The following NTRK2 variants were observed in gnomAD, a reference collection of about 807,000 sequenced individuals.
NTRK2 encodes neurotrophic receptor tyrosine kinase 2, also known as BDNF/NT-3 growth factors receptor.
Under a neutral mutation model 94.5 loss-of-function variants are expected in NTRK2, and 13 were observed. The observed-to-expected ratio is 0.14, with a 90% CI of 0.09 to 0.22. NTRK2 has a LOEUF of 0.22. NTRK2 is among the 10% of genes least tolerant of loss of function. The pLI, the probability that NTRK2 is intolerant of heterozygous loss-of-function variation, is 1.00. For synonymous variants in NTRK2, 372 were observed against 407.4 expected, an observed-to-expected ratio of 0.91 and a Z score of 1.05; for missense variants, 639 against 1,071.2, an observed-to-expected ratio of 0.60 and a Z score of 5.63.
intron 17 of NTRK2, among the ~76,000 whole-genome samples, chr9:85,014,394 A>G (rs1193522779): frequency 6.6e-6 from 1 of 152,228 alleles, no homozygotes; most frequent in African/African-American, 2.4e-5. Context: ...AAGGATAGCA[A>G]ACAACAACAA....
In NTRK2 at chr9:84,800,164, C is replaced by G. The variant is rs983326597; in HGVS notation, c.1396+48079C>G. 4.6e-5 allele frequency among the ~76,000 whole-genome samples: 7 copies of G among 152,056 alleles called. No individual in the cohort carries two copies. The South Asian group carries it at 8.3e-4, about 18-fold the overall frequency. On this transcript the variant is annotated intron_variant, in intron 12 of 18. Coordinates refer to ENST00000277120, the MANE Select transcript of NTRK2 (RefSeq NM_006180.6). ...GCCTTTGGACAGCTAGTTCTGTTGTCTAGAACAACTGGAAGCCGAAGCTCT... is the reference window on the plus strand; with the variant it reads ...GCCTTTGGACAGCTAGTTCTGTTGTGTAGAACAACTGGAAGCCGAAGCTCT...
chr9:84,901,094 T>C (rs2076912909), intron 14 of NTRK2, among the ~76,000 whole-genome samples: 1 of 152,178 alleles, frequency 6.6e-6, no homozygotes, highest in African/African-American at 2.4e-5. Context: ...TAATGTTTTT[T>C]CCCCAGCAGA....
At chr9:84,929,577 A>ATTC (rs2077950371) in intron 14 of NTRK2, among the ~76,000 whole-genome samples, 2 of 144,750 alleles carry the variant, frequency 1.4e-5, no homozygotes, top group South Asian at 4.3e-4. Flanking sequence ...TTTTTTTTTA[A>ATTC]ATTTGAGAGA....
chr9:84,841,543 C>T (rs2074184076), intron 12 of NTRK2, among the ~76,000 whole-genome samples: 1 of 152,216 alleles, frequency 6.6e-6, no homozygotes, highest in African/African-American at 2.4e-5. Flanking sequence ...TACTCTCTCC[C>T]TACAGCATTT....
At chr9:84,685,688 T>A (rs1009950994) in intron 2 of NTRK2, among the ~76,000 whole-genome samples, 6 of 152,184 alleles carry the variant, frequency 3.9e-5, no homozygotes, top group African/African-American at 1.4e-4. Flanking sequence ...ATATTCTCAC[T>A]TATCTTCCAG....
intron 9 of NTRK2, among the ~76,000 whole-genome samples, chr9:84,732,962 C>T (rs2132165001): frequency 1.3e-5 from 2 of 152,282 alleles, no homozygotes; most frequent in South Asian, 4.2e-4. Context: ...TCAGCAGGAC[C>T]TGACTCCCCA....
At chr9:84,788,528 GC>G (rs1331337889) in intron 12 of NTRK2, among the ~76,000 whole-genome samples, 34 of 152,078 alleles carry the variant, frequency 2.2e-4, no homozygotes, top group African/African-American at 8.2e-4. Flanking sequence ...ACCAGAGCTT[GC>G]TTTATGTAGA....
intron 14 of NTRK2, among the ~76,000 whole-genome samples, chr9:84,906,559 T>C (rs908865365): frequency 3.9e-5 from 6 of 152,192 alleles, no homozygotes; most frequent in Admixed American, 3.9e-4. Flanking sequence ...ACACTTGATT[T>C]GGTTCTTCCA....
intron 6 of NTRK2, among the ~76,000 whole-genome samples, chr9:84,718,533 T>G (rs1263757319): frequency 6.6e-6 from 1 of 152,176 alleles, no homozygotes; most frequent in Non-Finnish European, 1.5e-5. Context: ...ACATCCTTCC[T>G]GAAGGAATCC....
chr9:84,920,791 C>T (rs1216751777), intron 14 of NTRK2, among the ~76,000 whole-genome samples: 1 of 152,144 alleles, frequency 6.6e-6, no homozygotes, highest in African/African-American at 2.4e-5. Flanking sequence ...TCTTCAATAC[C>T]TTTCTAAGGA....
Position 84,950,596 on chromosome 9 carries a change from T to A in NTRK2, c.1937+1962T>A, listed in dbSNP as rs919494936. Among the ~76,000 whole-genome samples the A allele has an allele frequency of 6.6e-5, 10 of 151,614 alleles. No homozygotes were observed. The East Asian group carries it at 7.7e-4, about 12-fold the overall frequency. ...GTTTTATCTGGGTCTAATATGTTTTTTTTTTTTTTAATTTAGCTAGTCCTC... is the reference window on the plus strand; with the variant it reads ...GTTTTATCTGGGTCTAATATGTTTTATTTTTTTTTAATTTAGCTAGTCCTC... On this transcript the variant is annotated intron_variant, in intron 16 of 18. Transcript: ENST00000277120.
intron 15 of NTRK2, among the ~76,000 whole-genome samples, chr9:84,946,234 G>A (rs186299588): frequency 2.0e-5 from 3 of 152,298 alleles, no homozygotes; most frequent in Admixed American, 6.5e-5. Flanking sequence ...CTGGAGATGG[G>A]ATTCACAACT....
At chr9:84,960,629 A>G (rs1167450933) in intron 17 of NTRK2, among the ~76,000 whole-genome samples, 1 of 152,222 alleles carries the variant, frequency 6.6e-6, no homozygotes, top group Non-Finnish European at 1.5e-5. Flanking sequence ...TACTAACACC[A>G]TTCCCTCTAT....
intron 12 of NTRK2, among the ~76,000 whole-genome samples, chr9:84,856,242 C>T (rs1241342934): frequency 1.3e-5 from 2 of 152,120 alleles, no homozygotes. Context: ...TCATGATTTC[C>T]AGAACCAGTT....
chr9:84,688,778 A>G (rs1039304669), intron 2 of NTRK2, among the ~76,000 whole-genome samples: 6 of 152,206 alleles, frequency 3.9e-5, no homozygotes, highest in African/African-American at 7.2e-5. Context: ...TCCTTTCCTC[A>G]CGATGTCTTT....
Position 84,856,063 on chromosome 9 carries a change from G to A in NTRK2, c.1397-4977G>A, listed in dbSNP as rs76967243. On this transcript the variant is annotated intron_variant, in intron 12 of 18. Coordinates refer to ENST00000277120, the MANE Select transcript of NTRK2 (RefSeq NM_006180.6). ...AGGGAAATACGAATTTCAGAGAACA[G>A]TTAGGAGGTTCAGCCAAATACACAC... Among the ~76,000 whole-genome samples, 711 of 152,302 alleles carry A rather than the reference G, an allele frequency of 4.7e-3. 13 individuals are homozygous for A. The highest frequency in any genetic ancestry group is 0.038 in the Admixed American group (577 of 15,302).
chr9:84,681,372 A>G (rs1308980102), intron 2 of NTRK2, among the ~76,000 whole-genome samples: 1 of 152,172 alleles, frequency 6.6e-6, no homozygotes, highest in Non-Finnish European at 1.5e-5. Context: ...TCATTCACAT[A>G]TTACGTCTTG....
chr9:84,957,111 G>C (rs1824234689), intron 17 of NTRK2, among the ~76,000 whole-genome samples: 1 of 152,146 alleles, frequency 6.6e-6, no homozygotes, highest in Non-Finnish European at 1.5e-5. Context: ...CTTCCTTGAT[G>C]GGGGCAGGGA....
chr9:84,809,624 G>A (rs1675649084), intron 12 of NTRK2, among the ~76,000 whole-genome samples: 1 of 151,572 alleles, frequency 6.6e-6, no homozygotes, highest in South Asian at 2.1e-4. Flanking sequence ...GCTCACGCCT[G>A]TAATCCCAGC....
Sources: allele counts gnomAD v4.1 joint callset (sites outside exome capture counted in the v4.1 genomes callset), GRCh38; gene constraint gnomAD v4.1.1; transcripts MANE v1.5; gene names NCBI Gene and HGNC (gene_info 2026-07-23, HGNC 2026-07-21).